GAB2: variants seen among roughly 807,000 people sequenced by gnomAD.
GAB2 encodes the protein GRB2 associated binding protein 2.
In GAB2, 26 loss-of-function variants were observed where a neutral mutation model predicts 65.5. The observed-to-expected ratio is 0.40, with a 90% CI of 0.29 to 0.55. GAB2 has a LOEUF of 0.55. Among genes scored for constraint, GAB2 ranks in the 20% least tolerant of loss-of-function variants. The probability of loss-of-function intolerance (pLI) is 0.53; values close to 1 mark genes in which losing one functional copy is unlikely to be tolerated. For synonymous variants in GAB2, 321 were observed against 329.6 expected (o/e 0.97, Z 0.28); for missense variants, 884 against 875.8 (o/e 1.01, Z -0.12).
intron 2 of GAB2, among the ~76,000 whole-genome samples, chr11:78,270,047 CA>C (rs1865972062): frequency 6.6e-6 from 1 of 152,134 alleles, no homozygotes; most frequent in South Asian, 2.1e-4. Context: ...GTTTAGCCAT[CA>C]GAGGTTAATA....
chr11:78,348,759 A>G (rs753046305), intron 1 of GAB2, among the ~76,000 whole-genome samples: 5 of 152,232 alleles, frequency 3.3e-5, no homozygotes, highest in Admixed American at 6.5e-5. Context: ...CTCCACAGAA[A>G]GATTTCCAAG....
chr11:78,399,474 G>T (rs1416533757), intron 1 of GAB2, among the ~76,000 whole-genome samples: 1 of 152,138 alleles, frequency 6.6e-6, no homozygotes, highest in African/African-American at 2.4e-5. Flanking sequence ...ACATCCCCCA[G>T]CACACACCTA....
Position 78,372,036 on chromosome 11 carries a change from CCATGT to C in GAB2, c.75+45605_75+45609del, listed in dbSNP as rs144798704. ...AAACTATTACTCGTATGGTGTTAAT[CCATGT>C]CACAAGGCACTCTTATCCTGACCAA... On this transcript the variant is annotated intron_variant, in intron 1 of 9. Coordinates refer to ENST00000361507, the MANE Select transcript of GAB2 (RefSeq NM_080491.3). Among the ~76,000 whole-genome samples, 1,407 of 152,244 alleles carry C rather than the reference CCATGT, an allele frequency of 9.2e-3. 24 individuals are homozygous for C. The highest frequency in any genetic ancestry group is 0.032 in the African/African-American group (1,335 of 41,536).
chr11:78,239,038 C>T (rs1253705367), intron 3 of GAB2, among the ~76,000 whole-genome samples: 1 of 151,430 alleles, frequency 6.6e-6, no homozygotes, highest in Non-Finnish European at 1.5e-5. Context: ...CACCACTAAT[C>T]ATTAGGGAAA....
chr11:78,353,148 C>T (rs1021249273), intron 1 of GAB2, among the ~76,000 whole-genome samples: 8 of 152,128 alleles, frequency 5.3e-5, no homozygotes, highest in Non-Finnish European at 8.8e-5. Context: ...ATCACAATCT[C>T]TGGGAATGGG....
chr11:78,325,534 A>G (rs1424405767), intron 1 of GAB2, among the ~76,000 whole-genome samples: 1 of 152,212 alleles, frequency 6.6e-6, no homozygotes, highest in African/African-American at 2.4e-5. Flanking sequence ...AAGATCCCTA[A>G]GCAAGAATGT....
intron 2 of GAB2, among the ~76,000 whole-genome samples, chr11:78,264,210 G>A (rs545958792): frequency 2.0e-5 from 3 of 152,068 alleles, no homozygotes; most frequent in Non-Finnish European, 4.4e-5. Context: ...AATATGGGGA[G>A]AACTGACATA....
At chr11:78,303,334 A>C (rs1867085792) in intron 1 of GAB2, among the ~76,000 whole-genome samples, 1 of 152,122 alleles carries the variant, frequency 6.6e-6, no homozygotes, top group Non-Finnish European at 1.5e-5. Flanking sequence ...TCTATGACCC[A>C]TGTTTGTATA....
chr11:78,269,869 G>A (rs997346564), intron 2 of GAB2, among the ~76,000 whole-genome samples: 1 of 152,200 alleles, frequency 6.6e-6, no homozygotes, highest in Non-Finnish European at 1.5e-5. Context: ...CTGCCAAGGA[G>A]TTCGAGAAGG....
rs148197900 is a variant in GAB2, at chr11:78,387,447, T to A, written c.75+30199A>T. Among the ~76,000 whole-genome samples, 120 of 152,336 alleles carry A rather than the reference T, an allele frequency of 7.9e-4. 1 individual carries two copies. Among genetic ancestry groups the A allele is most frequent in the African/African-American group, 2.7e-3 (112 of 41,576 alleles). ...CACGTTATCAAGTTCTCATCAAGTT[T>A]ATATTACCAAAATCTCTACCAATGG... On this transcript the variant is annotated intron_variant, in intron 1 of 9. Transcript: ENST00000361507.
intron 1 of GAB2, among the ~76,000 whole-genome samples, chr11:78,377,690 G>T (rs1856648148): frequency 6.6e-6 from 1 of 152,144 alleles, no homozygotes; most frequent in African/African-American, 2.4e-5. Flanking sequence ...TGGCTGACAT[G>T]AGAATATTAT....
intron 3 of GAB2, among the ~76,000 whole-genome samples, chr11:78,241,677 G>C (rs905366273): frequency 2.0e-5 from 3 of 151,574 alleles, no homozygotes; most frequent in African/African-American, 7.3e-5. Context: ...ACACAACAGA[G>C]AGCTTCAACA....
intron 1 of GAB2, among the ~76,000 whole-genome samples, chr11:78,396,996 A>G (rs1591086711): frequency 1.3e-5 from 2 of 152,328 alleles, no homozygotes; most frequent in South Asian, 2.1e-4. Context: ...ATACAGGAAA[A>G]AGAGACTAGG....
At chr11:78,379,465 A>G (rs1216740986) in intron 1 of GAB2, among the ~76,000 whole-genome samples, 1 of 152,212 alleles carries the variant, frequency 6.6e-6, no homozygotes, top group Non-Finnish European at 1.5e-5. Context: ...GATAAGGTAA[A>G]GCTTCTTTTT....
At chr11:78,224,673 C>T (rs1433682350) in intron 5 of GAB2, among the ~76,000 whole-genome samples, 1 of 152,170 alleles carries the variant, frequency 6.6e-6, no homozygotes, top group Non-Finnish European at 1.5e-5. Context: ...TTAGCATCTT[C>T]CAGAGGGCAG....
chr11:78,322,440 AC>A (rs1457105846), intron 1 of GAB2, among the ~76,000 whole-genome samples: 10 of 151,918 alleles, frequency 6.6e-5, no homozygotes, highest in African/African-American at 2.4e-4. Context: ...TACAACAAAA[AC>A]AAAAATTGAC....
At chr11:78,274,187 T>A (rs1269302147) in intron 2 of GAB2, among the ~76,000 whole-genome samples, 1 of 151,992 alleles carries the variant, frequency 6.6e-6, no homozygotes, top group Non-Finnish European at 1.5e-5. Context: ...GGTGGGAGGA[T>A]CACTTGAAAC....
At chr11:78,253,101 C>T (rs1206757483) in intron 2 of GAB2, among the ~76,000 whole-genome samples, 4 of 142,052 alleles carry the variant, frequency 2.8e-5, no homozygotes, top group African/African-American at 8.1e-5. Flanking sequence ...ACCTCTGCTT[C>T]CTGGGTTCAA....
intron 1 of GAB2, among the ~76,000 whole-genome samples, chr11:78,281,245 T>G (rs1035119242): frequency 1.9e-4 from 15 of 78,130 alleles, no homozygotes; most frequent in Non-Finnish European, 4.1e-4. Context: ...CTGACCTTAA[T>G]GCATTTTTTT....
Sources: gnomAD v4.1 joint callset for allele counts (sites outside exome capture counted in the v4.1 genomes callset) on GRCh38, gnomAD v4.1.1 for gene constraint, MANE v1.5 for transcripts, NCBI Gene and HGNC (gene_info 2026-07-23, HGNC 2026-07-21) for gene names.